Variants in LRRC8A observed in about 807,000 individuals in gnomAD.
The protein encoded by LRRC8A is leucine rich repeat containing 8 VRAC subunit A.
LRRC8A carries 24 observed loss-of-function variants against 52.5 expected under a neutral mutation model. That is an observed-to-expected ratio of 0.46 (90% CI 0.33 to 0.64). The LOEUF (loss-of-function observed/expected upper bound fraction) is 0.64. Ranked by LOEUF, LRRC8A falls within the 30% of genes least tolerant of loss-of-function variation. The pLI is 0.02. For missense variants in LRRC8A, 677 were observed against 1,094.7 expected (o/e 0.62, Z 5.38); for synonymous variants, 492 against 494.2 (o/e 1.00, Z 0.06).
chr9:128,913,707 A>G (rs964335308), intron 3 of LRRC8A, among the ~76,000 whole-genome samples: 2 of 152,122 alleles, frequency 1.3e-5, no homozygotes, highest in Admixed American at 1.3e-4. Context: ...TGACCACTGC[A>G]TGTGTCAGCA....
chr9:128,914,355 G>A (rs1418055693), intron 3 of LRRC8A, among the ~76,000 whole-genome samples: 3 of 151,698 alleles, frequency 2.0e-5, no homozygotes, highest in South Asian at 2.1e-4. Context: ...GTTGAGGTCC[G>A]AGTCTGCAAA....
intron 3 of LRRC8A, among the ~76,000 whole-genome samples, chr9:128,909,874 A>G (rs6478856): frequency 0.97 from 147,631 of 152,336 alleles, 71,719 homozygotes; most frequent in East Asian, 1. Flanking sequence ...ACCTTTCTCC[A>G]CTGCATTTGG....
At chr9:128,895,723 G>C (rs1033446223) in intron 2 of LRRC8A, among the ~76,000 whole-genome samples, 1 of 152,196 alleles carries the variant, frequency 6.6e-6, no homozygotes, top group Admixed American at 6.5e-5. Context: ...CTCAGGGGCT[G>C]AGGAGCAGCA....
chr9:128,882,905 C>T (rs1463646919), intron 1 of LRRC8A: 2 of 397,722 alleles, frequency 5.0e-6, no homozygotes, highest in East Asian at 3.6e-5. Context: ...CTGGTGCAGC[C>T]CTAGGTGAGC....
chr9:128,883,069 C>T (rs1483945366), intron 1 of LRRC8A, among the ~76,000 whole-genome samples: 1 of 152,168 alleles, frequency 6.6e-6, no homozygotes, highest in East Asian at 1.9e-4. Flanking sequence ...GCGATTGTTG[C>T]CTTTTTTGGG....
rs751995060 is a variant in LRRC8A, at chr9:128,916,130, G to A, written c.2192G>A (p.Arg731Gln). 14 of 1,611,924 alleles carry A rather than the reference G, an allele frequency of 8.7e-6. No individual in the cohort carries two copies. In the East Asian group the frequency reaches 2.0e-4, roughly 23 times the overall value. Residue 731 changes from arginine to glutamine, a missense_variant, in exon 4 of 4, where the codon CGG becomes CAG. Coordinates refer to ENST00000372600, the MANE Select transcript of LRRC8A (RefSeq NM_019594.4). The surrounding 1 kb of genome is among the most constrained non-coding windows in gnomAD (Gnocchi z 6.1). Reference protein sequence around the residue: ...ETLPPELFQCRKLRALHLGNN... With the variant: ...ETLPPELFQCQKLRALHLGNN... ...CTCCCTCCGGAGCTCTTCCAGTGCC[G>A]GAAGCTGCGGGCCCTGCACCTGGGC...
At chr9:128,910,616 G>A (rs1840473712) in intron 3 of LRRC8A, among the ~76,000 whole-genome samples, 1 of 152,152 alleles carries the variant, frequency 6.6e-6, no homozygotes, top group African/African-American at 2.4e-5. Context: ...CTTCAGCCTA[G>A]GAGTTCAAGA....
rs373159505 is a variant in LRRC8A at position 128,909,051 on chromosome 9, C to G, written c.1887C>G (p.Ile629Met). 6.2e-7 allele frequency: 1 copy of G among 1,614,154 alleles called. No individual in the cohort carries two copies. The highest frequency in any genetic ancestry group is 8.5e-7 in the Non-Finnish European group (1 of 1,180,022). Residue 629 changes from isoleucine to methionine, a missense_variant, in exon 3 of 4, where the codon ATC (isoleucine) becomes ATG (methionine). Physicochemically the swap from Ile to Met is conservative, Grantham distance 10. This residue lies in a region of LRRC8A where 422 missense variants were observed against 741.5 expected (regional missense o/e 0.57). Transcript: ENST00000372600. ...TCAAGGACAACAACCTCAAGACCAT[C>G]GAGGAGATCATCAGCTTCCAGCACC... ...IDLKDNNLKT[I>M]EEIISFQHLH... is the part of the protein sequence containing the mutation.
intron 2 of LRRC8A, among the ~76,000 whole-genome samples, chr9:128,897,478 G>A (rs1267022005): frequency 2.6e-5 from 4 of 152,016 alleles, no homozygotes; most frequent in African/African-American, 9.7e-5. Context: ...CAAGTGCTGG[G>A]ATTACAGACG....
In LRRC8A at chr9:128,917,726, C is replaced by CT. The variant is rs1840888290; in HGVS notation, c.*1356dup. 6.5e-6 allele frequency: 1 copy of CT among 152,722 alleles called. No individual in the cohort carries two copies. Among genetic ancestry groups the CT allele is most frequent in the South Asian group, 2.1e-4 (1 of 4,834 alleles). 9.5% of individuals were successfully genotyped at this position (152,722 alleles called of 1,614,324 possible). On this transcript the variant is annotated 3_prime_UTR_variant, in exon 4 of 4. Transcript: ENST00000372600. Reference sequence around the variant, plus strand: ...CCAAGCCGGTTCCCGTCCCTGGCGCCTGGAGTGCACACAGCCCAGTCGGCA... The same window carrying CT: ...CCAAGCCGGTTCCCGTCCCTGGCGCCTTGGAGTGCACACAGCCCAGTCGGCA...
chr9:128,915,679 T>G (rs1388432973), intron 3 of LRRC8A, among the ~76,000 whole-genome samples: 1 of 152,174 alleles, frequency 6.6e-6, no homozygotes, highest in Non-Finnish European at 1.5e-5. Flanking sequence ...GTTGTTAAGC[T>G]GGGCAGAACC....
At position 128,917,805 on chromosome 9, in the gene LRRC8A, G is replaced by A. The variant is rs1360573030; in HGVS notation, c.*1434G>A. The A allele has an allele frequency of 6.5e-6, 1 of 152,688 alleles. No homozygotes were observed. The highest frequency in any genetic ancestry group is 1.9e-4 in the East Asian group (1 of 5,186). The allele number at this position is 152,688 out of a possible 1,614,324, so 9.5% of individuals were successfully genotyped here. A position where few individuals can be genotyped will look rare whatever the true frequency, so the allele number is the denominator to read the frequency against. On this transcript the variant is annotated 3_prime_UTR_variant, in exon 4 of 4. Transcript: ENST00000372600. ...GATCACTCGGGTCCCCACCTTAGAA[G>A]GGTCCCCGCCTTAGATCAATCACGT...
chr9:128,888,299 A>C (rs555384343), intron 2 of LRRC8A, among the ~76,000 whole-genome samples: 1 of 152,136 alleles, frequency 6.6e-6, no homozygotes, highest in East Asian at 1.9e-4. Flanking sequence ...CCTTTTTGCC[A>C]AGGATGGCGT....
At chr9:128,888,595 C>A (rs1448951546) in intron 2 of LRRC8A, among the ~76,000 whole-genome samples, 2 of 152,048 alleles carry the variant, frequency 1.3e-5, no homozygotes, top group Non-Finnish European at 2.9e-5. Flanking sequence ...CCACCTGGGT[C>A]CAAAGATGCT....
chr9:128,887,452 C>T (rs1278395530), intron 2 of LRRC8A, among the ~76,000 whole-genome samples: 2 of 152,014 alleles, frequency 1.3e-5, no homozygotes, highest in Non-Finnish European at 2.9e-5. Context: ...GTGTGAGCCA[C>T]CATGCCAGAC....
In LRRC8A at chr9:128,910,491, G is replaced by A. The variant is rs568549915; in HGVS notation, c.2157+1170G>A. Among the ~76,000 whole-genome samples, 10 of 152,266 alleles carry A rather than the reference G, an allele frequency of 6.6e-5. No homozygotes were observed. The South Asian group carries it at 1.9e-3, about 28-fold the overall frequency. ...GGCGGTCACTTGAGCTCAGGAGTTC[G>A]AGACCAGCCTGGGCAACATAGGGAA... On this transcript the variant is annotated intron_variant, in intron 3 of 3. Transcript: ENST00000372600.
At position 128,911,546 on chromosome 9, in the gene LRRC8A, C is replaced by T. The variant is rs938502575; in HGVS notation, c.2157+2225C>T. Among the ~76,000 whole-genome samples the T allele has an allele frequency of 5.3e-5, 8 of 152,294 alleles. No individual in the cohort carries two copies. The East Asian group carries it at 5.8e-4, about 11-fold the overall frequency. Reference sequence around the variant, plus strand: ...CCCTTGATAAGCTGGGACTTCCTCACAGCTCCTGCCATTCCTGCCCTGTCC... The same window carrying T: ...CCCTTGATAAGCTGGGACTTCCTCATAGCTCCTGCCATTCCTGCCCTGTCC... On this transcript the variant is annotated intron_variant, in intron 3 of 3. Coordinates refer to ENST00000372600, the MANE Select transcript of LRRC8A (RefSeq NM_019594.4). The surrounding 1 kb of genome is among the most constrained non-coding windows in gnomAD (Gnocchi z 4.9).
chr9:128,885,160 T>C (rs985186010), intron 1 of LRRC8A: 5 of 152,208 alleles, frequency 3.3e-5, no homozygotes, highest in African/African-American at 1.2e-4. Flanking sequence ...CATGCACAGT[T>C]CTGCACAGTG....
At position 128,892,262 on chromosome 9, in the gene LRRC8A, G is replaced by A. The variant is rs1265631018; in HGVS notation, c.-9+6141G>A. 5.9e-5 allele frequency among the ~76,000 whole-genome samples: 9 copies of A among 152,316 alleles called. No homozygotes were observed. In the East Asian group the frequency reaches 1.7e-3, roughly 29 times the overall value. On this transcript the variant is annotated intron_variant, in intron 2 of 3. Transcript: ENST00000372600. This position sits in a 1 kb window ranked among gnomAD's most constrained non-coding sequence, Gnocchi z 5.2. ...AACTGGGCGCTCCTGCCCCAGCCTG[G>A]CAGGGCGAGGGCAGGTCCTGAGGCT...
Sources: allele counts gnomAD v4.1 joint callset (sites outside exome capture counted in the v4.1 genomes callset), GRCh38; gene constraint gnomAD v4.1.1; regional missense constraint gnomAD v4.1.1; non-coding constraint Gnocchi (gnomAD v3.1); transcripts MANE v1.5; gene names NCBI Gene and HGNC (gene_info 2026-07-23, HGNC 2026-07-21).